SLC39A12: variants seen among roughly 807,000 people sequenced by gnomAD.
SLC39A12 encodes solute carrier family 39 member 12.
A neutral mutation model predicts 71.1 loss-of-function variants in SLC39A12; 63 were observed. The observed-to-expected ratio is 0.89, with a 90% CI of 0.72 to 1.09. SLC39A12 has a LOEUF of 1.09. SLC39A12 is among the 50% of genes least tolerant of loss of function. The probability of loss-of-function intolerance (pLI) is 0.00; values close to 1 mark genes in which losing one functional copy is unlikely to be tolerated. For synonymous variants in SLC39A12, 351 were observed against 301.3 expected, an observed-to-expected ratio of 1.16 and a Z score of -1.71; for missense variants, 892 against 812.6, an observed-to-expected ratio of 1.10 and a Z score of -1.19.
At chr10:17,962,286 T>C (rs1463579491) in intron 3 of SLC39A12, among the ~76,000 whole-genome samples, 1 of 152,210 alleles carries the variant, frequency 6.6e-6, no homozygotes, top group Non-Finnish European at 1.5e-5. Context: ...TATCATTAGT[T>C]ATTTCACTGA....
rs1294702374 is a variant in SLC39A12, at chr10:18,031,296, C to T, written c.1948-11409C>T. On this transcript the variant is annotated intron_variant, in intron 12 of 12. Transcript: ENST00000377369. The stretch of plus-strand genomic sequence containing the variant: ...AAAATTGTTCCTATTTCTCCACATC[C>T]TCTCCAGCACCTGTTGTTTCCTGAC... 8.4e-5 allele frequency among the ~76,000 whole-genome samples: 12 copies of T among 143,304 alleles called. No homozygotes were observed. The East Asian group carries it at 2.0e-3, about 24-fold the overall frequency. 94.0% of individuals were successfully genotyped at this position (143,304 alleles called of 152,430 possible).
chr10:17,970,337 T>C (rs1398038811), intron 4 of SLC39A12, among the ~76,000 whole-genome samples: 1 of 152,176 alleles, frequency 6.6e-6, no homozygotes, highest in African/African-American at 2.4e-5. Flanking sequence ...TCATTGATAT[T>C]GTCATAGGGA....
At chr10:17,970,054 C>A (rs1394589137) in intron 4 of SLC39A12, among the ~76,000 whole-genome samples, 1 of 151,994 alleles carries the variant, frequency 6.6e-6, no homozygotes, top group Non-Finnish European at 1.5e-5. Flanking sequence ...TGTCTTTTCC[C>A]CAGTGTATGT....
At chr10:17,974,783 C>T (rs957943522) in intron 4 of SLC39A12, among the ~76,000 whole-genome samples, 2 of 152,182 alleles carry the variant, frequency 1.3e-5, no homozygotes, top group East Asian at 1.9e-4. Context: ...TATGTTTGCT[C>T]AAGGCCTTGG....
chr10:17,980,716 T>C (rs1235518608), intron 5 of SLC39A12, among the ~76,000 whole-genome samples: 2 of 152,224 alleles, frequency 1.3e-5, no homozygotes, highest in Non-Finnish European at 2.9e-5. Context: ...AATGATGTTT[T>C]CAACTGTGTG....
intron 10 of SLC39A12, among the ~76,000 whole-genome samples, chr10:17,996,176 T>C (rs910603564): frequency 6.6e-6 from 1 of 152,234 alleles, no homozygotes; most frequent in African/African-American, 2.4e-5. Context: ...TTCAAATCAG[T>C]GATCTCATTT....
chr10:17,999,520 C>G lies in SLC39A12; in HGVS notation c.1601-1147C>G, dbSNP rs192938398. Among the ~76,000 whole-genome samples, 432 of 152,234 alleles carry G rather than the reference C, an allele frequency of 2.8e-3. 3 individuals carry two copies. Among genetic ancestry groups the G allele is most frequent in the African/African-American group, 9.8e-3 (409 of 41,544 alleles). On this transcript the variant is annotated intron_variant, in intron 10 of 12. Transcript: ENST00000377369. ...ATACTTTTCATGTTTGTGAGTCGTT[C>G]AACTCTACAATTGAGTTATGCTAAC...
At chr10:18,002,704 C>A (rs1835871158) in intron 11 of SLC39A12, 1 of 152,392 alleles carries the variant, frequency 6.6e-6, no homozygotes, top group Admixed American at 6.5e-5. Context: ...TCCTAACCAA[C>A]TTTTACAATG....
intron 9 of SLC39A12, among the ~76,000 whole-genome samples, chr10:17,995,088 A>T (rs1350593386): frequency 6.6e-6 from 1 of 152,178 alleles, no homozygotes; most frequent in African/African-American, 2.4e-5. Context: ...AAAATGTTTG[A>T]ATCTATTATT....
At chr10:17,967,823 C>G (rs1388276114) in intron 4 of SLC39A12, among the ~76,000 whole-genome samples, 1 of 150,026 alleles carries the variant, frequency 6.7e-6, no homozygotes, top group Admixed American at 6.6e-5. Flanking sequence ...GGAGGCGGAG[C>G]TGGCAGTGAG....
intron 10 of SLC39A12, among the ~76,000 whole-genome samples, chr10:17,999,815 A>G (rs928583340): frequency 2.6e-5 from 4 of 152,172 alleles, no homozygotes; most frequent in Admixed American, 2.6e-4. Flanking sequence ...TGAAGTCACA[A>G]TGGGGAGTGA....
intron 6 of SLC39A12, among the ~76,000 whole-genome samples, chr10:17,981,793 A>C (rs11011857): frequency 0.19 from 28,979 of 152,142 alleles, 2,903 homozygotes; most frequent in Non-Finnish European, 0.2. Flanking sequence ...ACTACTCTTC[A>C]ATGAATATTT....
At chr10:17,967,711 G>A (rs949181501) in intron 4 of SLC39A12, among the ~76,000 whole-genome samples, 1 of 151,606 alleles carries the variant, frequency 6.6e-6, no homozygotes, top group African/African-American at 2.4e-5. Flanking sequence ...GTGAAACCCA[G>A]TCTCTACTAA....
chr10:17,971,202 A>AT (rs200950036), intron 4 of SLC39A12, among the ~76,000 whole-genome samples: 1,918 of 144,648 alleles, frequency 0.013, 37 homozygotes, highest in African/African-American at 0.042. Flanking sequence ...GTTGAATTCA[A>AT]TTGCTAGTAT....
At chr10:18,036,880 A>G (rs1453738532) in intron 12 of SLC39A12, among the ~76,000 whole-genome samples, 1 of 147,226 alleles carries the variant, frequency 6.8e-6, no homozygotes, top group Non-Finnish European at 1.5e-5. Context: ...TCCGCCTCCC[A>G]GGTTTAAACG....
chr10:17,982,599 A>G (rs957107861), intron 6 of SLC39A12, among the ~76,000 whole-genome samples: 1 of 152,192 alleles, frequency 6.6e-6, no homozygotes, highest in African/African-American at 2.4e-5. Context: ...CTAAGATTCT[A>G]CATTCACTAA....
intron 4 of SLC39A12, among the ~76,000 whole-genome samples, chr10:17,972,468 T>C (rs1834999722): frequency 6.6e-6 from 1 of 152,220 alleles, no homozygotes; most frequent in African/African-American, 2.4e-5. Flanking sequence ...CTGTGGCTTA[T>C]GTCTCTCTGT....
At chr10:17,966,042 A>G (rs961734749) in intron 4 of SLC39A12, among the ~76,000 whole-genome samples, 3 of 152,222 alleles carry the variant, frequency 2.0e-5, no homozygotes, top group Non-Finnish European at 2.9e-5. Context: ...GAATGAAAGA[A>G]TAGTATTCTA....
At chr10:17,973,193 G>T (rs1209851814) in intron 4 of SLC39A12, among the ~76,000 whole-genome samples, 1 of 152,084 alleles carries the variant, frequency 6.6e-6, no homozygotes, top group Non-Finnish European at 1.5e-5. Context: ...ACATTGTGCT[G>T]TCTATGTCTT....
Sources: allele counts gnomAD v4.1 joint callset (sites outside exome capture counted in the v4.1 genomes callset), GRCh38; gene constraint gnomAD v4.1.1; transcripts MANE v1.5; gene names NCBI Gene and HGNC (gene_info 2026-07-23, HGNC 2026-07-21).